Variants in PDE1C observed in about 807,000 individuals in gnomAD.
The protein encoded by PDE1C is dual specificity calcium/calmodulin-dependent 3',5'-cyclic nucleotide phosphodiesterase 1C.
PDE1C carries 62 observed loss-of-function variants against 93.1 expected under a neutral mutation model. The observed-to-expected ratio is 0.67, with a 90% CI of 0.54 to 0.82. The LOEUF (loss-of-function observed/expected upper bound fraction) is 0.82, where lower values mean the gene tolerates loss of function less well. PDE1C is among the 40% of genes least tolerant of loss of function. The pLI is 0.00. For missense variants in PDE1C, 742 were observed against 884.6 expected (o/e 0.84, Z 2.04); for synonymous variants, 325 against 310.1 (o/e 1.05, Z -0.50).
chr7:32,056,995 A>G lies in PDE1C; in HGVS notation c.102-5415T>C, dbSNP rs111952732. ...GTACACCCTGCCACCCACCCCAGCA[A>G]TGTCCCACTTAACCTAGCAGAGCCA... is the stretch of plus-strand genomic sequence containing the variant. On this transcript the variant is annotated intron_variant, in intron 1 of 17. Transcript: ENST00000396191. 2.7e-3 allele frequency among the ~76,000 whole-genome samples: 404 copies of G among 152,246 alleles called. 3 individuals are homozygous for G. Among genetic ancestry groups the G allele is most frequent in the African/African-American group, 9.3e-3 (385 of 41,554 alleles).
At chr7:31,802,478 C>T (rs924598388) in intron 16 of PDE1C, among the ~76,000 whole-genome samples, 1 of 151,522 alleles carries the variant, frequency 6.6e-6, no homozygotes, top group Non-Finnish European at 1.5e-5. Flanking sequence ...TTAGAAAAAT[C>T]GTATATATTT....
chr7:32,160,794 A>G (rs1292445732), intron 3 of PDE1C, among the ~76,000 whole-genome samples: 1 of 150,968 alleles, frequency 6.6e-6, no homozygotes, highest in Non-Finnish European at 1.5e-5. Context: ...TGGGTGACAG[A>G]GCAATACTCT....
chr7:32,307,419 C>T (rs1436419033), intron 1 of PDE1C, among the ~76,000 whole-genome samples: 1 of 152,210 alleles, frequency 6.6e-6, no homozygotes. Context: ...CACATCCCTT[C>T]CTCCCACATT....
At chr7:31,771,784 G>A (rs933823099) in intron 17 of PDE1C, among the ~76,000 whole-genome samples, 4 of 151,924 alleles carry the variant, frequency 2.6e-5, no homozygotes, top group Non-Finnish European at 4.4e-5. Context: ...GTGACATTTT[G>A]GCTAATTTCA....
the PDE1C span, among the ~76,000 whole-genome samples, chr7:31,719,953 G>A: frequency 2.6e-5 from 4 of 150,950 alleles, no homozygotes; most frequent in East Asian, 3.9e-4. Flanking sequence ...ATGAGGTCAG[G>A]AGATCGAGAC....
chr7:32,309,311 T>C (rs986378460), intron 1 of PDE1C, among the ~76,000 whole-genome samples: 1 of 152,206 alleles, frequency 6.6e-6, no homozygotes, highest in Non-Finnish European at 1.5e-5. Flanking sequence ...TGGAACCAAG[T>C]TGGAAAACAC....
chr7:31,806,363 T>C (rs1283519380), intron 16 of PDE1C, among the ~76,000 whole-genome samples: 2 of 151,996 alleles, frequency 1.3e-5, no homozygotes, highest in African/African-American at 4.8e-5. Context: ...AAAGAGTATA[T>C]TTGTGTGGTA....
chr7:32,040,076 A>G (rs1791609841), intron 2 of PDE1C, among the ~76,000 whole-genome samples: 1 of 152,212 alleles, frequency 6.6e-6, no homozygotes, highest in Admixed American at 6.5e-5. Flanking sequence ...TGTATCTAAT[A>G]CACCTATAAA....
Position 32,024,364 on chromosome 7 carries a change from G to A in PDE1C, c.128+27190C>T, listed in dbSNP as rs73318321. Among the ~76,000 whole-genome samples the A allele has an allele frequency of 9.5e-3, 1,438 of 151,320 alleles. 21 individuals carry two copies. Among genetic ancestry groups the A allele is most frequent in the African/African-American group, 0.033 (1,378 of 41,230 alleles). ...TTATAAGGCAATTGTGAAAATTAAAGGTATATACAGATATGTAGATTTCTC... is the reference window on the plus strand; with the variant it reads ...TTATAAGGCAATTGTGAAAATTAAAAGTATATACAGATATGTAGATTTCTC... On this transcript the variant is annotated intron_variant, in intron 2 of 17. Coordinates refer to ENST00000396191, the MANE Select transcript of PDE1C (RefSeq NM_001191057.4).
chr7:32,202,294 G>C (rs1318332801), intron 2 of PDE1C, among the ~76,000 whole-genome samples: 1 of 152,188 alleles, frequency 6.6e-6, no homozygotes, highest in African/African-American at 2.4e-5. Flanking sequence ...TTCAAAAAGA[G>C]AAGGCAGAGT....
intron 3 of PDE1C, among the ~76,000 whole-genome samples, chr7:32,102,396 T>C (rs903130487): frequency 6.6e-6 from 1 of 152,228 alleles, no homozygotes; most frequent in Non-Finnish European, 1.5e-5. Flanking sequence ...AAATCCCTAT[T>C]CTGCCACTCA....
At chr7:32,077,853 TTTA>T (rs1415354369) in intron 3 of PDE1C, 51 of 981,386 alleles carry the variant, frequency 5.2e-5, no homozygotes, top group East Asian at 1.1e-4. Flanking sequence ...ACAGGCATAC[TTTA>T]TTATTATTAT....
At chr7:32,149,974 C>A (rs1440196774) in intron 3 of PDE1C, among the ~76,000 whole-genome samples, 1 of 152,168 alleles carries the variant, frequency 6.6e-6, no homozygotes, top group East Asian at 1.9e-4. Context: ...CTACTCTAAT[C>A]AAGGAGATAA....
At chr7:32,265,338 A>G (rs1810499037) in intron 1 of PDE1C, among the ~76,000 whole-genome samples, 1 of 152,150 alleles carries the variant, frequency 6.6e-6, no homozygotes, top group Non-Finnish European at 1.5e-5. Context: ...CATGCATCCA[A>G]CTGTCCCCCA....
intron 1 of PDE1C, among the ~76,000 whole-genome samples, chr7:32,368,471 A>G (rs1440009482): frequency 3.3e-5 from 5 of 152,144 alleles, no homozygotes; most frequent in Non-Finnish European, 7.4e-5. Flanking sequence ...TCTACAAGAA[A>G]AACTATAAAA....
At chr7:32,082,318 C>T (rs1484531958) in intron 3 of PDE1C, among the ~76,000 whole-genome samples, 4 of 152,232 alleles carry the variant, frequency 2.6e-5, no homozygotes, top group African/African-American at 7.2e-5. Context: ...GGAGGGGCGC[C>T]CGCCATTGCC....
In PDE1C at chr7:32,056,368, AACACACACACACACACACACACACAC is replaced by A. The variant is rs375602478; in HGVS notation, c.102-4814_102-4789del. Among the ~76,000 whole-genome samples the A allele has an allele frequency of 4.2e-5, 5 of 119,292 alleles. No homozygotes were observed. The East Asian group carries it at 1.3e-3, about 30-fold the overall frequency. 78.3% of individuals were successfully genotyped at this position (119,292 alleles called of 152,430 possible). Reference sequence around the variant, plus strand: ...TCTCTCTCTCTCTCTCTCTCACTGAAACACACACACACACACACACACACACACACACACACAGCTTCATCTGTTTG... The same window carrying A: ...TCTCTCTCTCTCTCTCTCTCACTGAAACACACACACAGCTTCATCTGTTTG... On this transcript the variant is annotated intron_variant, in intron 1 of 17. Coordinates refer to ENST00000396191, the MANE Select transcript of PDE1C (RefSeq NM_001191057.4).
Position 32,308,387 on chromosome 7 carries a change from G to A in PDE1C, c.311-98848C>T, listed in dbSNP as rs563662878. Among the ~76,000 whole-genome samples the A allele has an allele frequency of 8.7e-4, 133 of 152,348 alleles. 1 individual carries two copies. The highest frequency in any genetic ancestry group is 1.7e-3 in the Non-Finnish European group (114 of 68,026). Reference sequence around the variant, plus strand: ...TCTGACAGCTTTGAAGAGAGTAGTGGTTCTCCCAGCACGCAGCTGGAGATC... The same window carrying A: ...TCTGACAGCTTTGAAGAGAGTAGTGATTCTCCCAGCACGCAGCTGGAGATC... On this transcript the variant is annotated intron_variant, in intron 1 of 1. Coordinates refer to the PDE1C transcript ENST00000672256.
At chr7:32,245,283 CTTTGTT>C (rs1426612889) in intron 1 of PDE1C, among the ~76,000 whole-genome samples, 1 of 152,180 alleles carries the variant, frequency 6.6e-6, no homozygotes, top group Non-Finnish European at 1.5e-5. Context: ...CAGCCCTTCT[CTTTGTT>C]TATCTTTAGC....
Sources: allele counts gnomAD v4.1 joint callset (sites outside exome capture counted in the v4.1 genomes callset), GRCh38; gene constraint gnomAD v4.1.1; transcripts MANE v1.5; gene names NCBI Gene and HGNC (gene_info 2026-07-23, HGNC 2026-07-21).